Variants in ABLIM3 observed in about 807,000 individuals in gnomAD.
ABLIM3 encodes the protein actin binding LIM protein family member 3, also known as actin-binding LIM protein 3.
A neutral mutation model predicts 109.5 loss-of-function variants in ABLIM3; 61 were observed. The observed-to-expected ratio is 0.56, with a 90% CI of 0.45 to 0.69. The LOEUF is 0.69. Among genes scored for constraint, ABLIM3 ranks in the 30% least tolerant of loss-of-function variants. The pLI is 0.00. For missense variants in ABLIM3, 796 were observed against 889.5 expected (o/e 0.89, Z 1.34); for synonymous variants, 300 against 324.8 (o/e 0.92, Z 0.82).
rs1289038184 is a variant in ABLIM3 at position 149,227,006 on chromosome 5, G to A, written c.758-3643G>A. Among the ~76,000 whole-genome samples the A allele has an allele frequency of 8.1e-5, 12 of 148,964 alleles. No individual in the cohort carries two copies. The East Asian group carries it at 2.4e-3, about 30-fold the overall frequency. ...AATCACTTGAACCCAGGAGGCAGAG[G>A]TTGCAATGAGCCAAGATCGTGCCAT... is the stretch of plus-strand genomic sequence containing the variant. On this transcript the variant is annotated intron_variant, in intron 8 of 23. Coordinates refer to ENST00000309868, the MANE Select transcript of ABLIM3 (RefSeq NM_014945.5).
chr5:149,165,643 A>G (rs1754753490), intron 2 of ABLIM3, among the ~76,000 whole-genome samples: 2 of 152,128 alleles, frequency 1.3e-5, no homozygotes, highest in Non-Finnish European at 2.9e-5. Flanking sequence ...TTCCAAATGG[A>G]TTGTCTTTTG....
chr5:149,250,624 C>A (rs1753830988), intron 20 of ABLIM3, 119 bp downstream of exon 20: 3 of 1,203,764 alleles, frequency 2.5e-6, no homozygotes, highest in African/African-American at 3.0e-5. Flanking sequence ...GGTGGGTTAA[C>A]TGACACAACT....
chr5:149,176,530 TC>T (rs1755943604), intron 2 of ABLIM3, among the ~76,000 whole-genome samples: 1 of 152,118 alleles, frequency 6.6e-6, no homozygotes, highest in Admixed American at 6.5e-5. Flanking sequence ...AGATTCTGCC[TC>T]TGCCGTTTAC....
chr5:149,239,918 G>C, intron 13 of ABLIM3, 30 bp downstream of exon 13: 2 of 1,580,118 alleles, frequency 1.3e-6, no homozygotes, highest in Non-Finnish European at 1.7e-6. Context: ...TGAAGGGAGA[G>C]GAAGAGCCAG....
At chr5:149,221,506 T>C (rs1030127889) in intron 8 of ABLIM3, among the ~76,000 whole-genome samples, 1 of 152,180 alleles carries the variant, frequency 6.6e-6, no homozygotes, top group African/African-American at 2.4e-5. Flanking sequence ...TGGGCTCTAA[T>C]TGGGAGAAGT....
chr5:149,215,071 G>A (rs1489715163), intron 7 of ABLIM3, among the ~76,000 whole-genome samples: 5 of 152,300 alleles, frequency 3.3e-5, no homozygotes, highest in East Asian at 1.9e-4. Context: ...CAAGACTGGG[G>A]CTGCTGAGAT....
intron 8 of ABLIM3, among the ~76,000 whole-genome samples, chr5:149,225,804 T>C (rs1259785459): frequency 6.6e-6 from 1 of 151,804 alleles, no homozygotes; most frequent in Non-Finnish European, 1.5e-5. Flanking sequence ...GAACATACAA[T>C]GTTTGGTTTT....
At chr5:149,149,750 C>T (rs1158056166) in intron 2 of ABLIM3, among the ~76,000 whole-genome samples, 2 of 152,158 alleles carry the variant, frequency 1.3e-5, no homozygotes, top group Non-Finnish European at 2.9e-5. Flanking sequence ...TGGCAGAGAA[C>T]AGATTGGCAG....
At chr5:149,252,722 C>T (rs1754051216) in intron 22 of ABLIM3, 35 bp from the exon 23 acceptor site, 2 of 1,549,416 alleles carry the variant, frequency 1.3e-6, no homozygotes, top group Admixed American at 1.7e-5. Context: ...CCACCACCCT[C>T]ACCCAAGCTG....
At chr5:149,205,683 C>T (rs1023632384) in intron 5 of ABLIM3, among the ~76,000 whole-genome samples, 6 of 152,248 alleles carry the variant, frequency 3.9e-5, no homozygotes, top group South Asian at 2.1e-4. Flanking sequence ...AGATAAATCC[C>T]GAAACTCTTT....
rs9512 is a variant in ABLIM3 at position 149,260,199 on chromosome 5, G to A, written c.*1795G>A. 0.51 allele frequency: 78,320 copies of A among 152,690 alleles called. 20,722 individuals are homozygous for A. The highest frequency in any genetic ancestry group is 0.62 in the African/African-American group (25,874 of 41,404). The allele number at this position is 152,690 out of a possible 1,614,324, so 9.5% of individuals were successfully genotyped here. A position where few individuals can be genotyped will look rare whatever the true frequency, so the allele number is the denominator to read the frequency against. ...GGAGATTCTAAATTGAAGGGGTGAT[G>A]GGGTGAGGGGCCAGAGGGAAGTCTG... On this transcript the variant is annotated 3_prime_UTR_variant, in exon 24 of 24. Transcript: ENST00000309868.
intron 2 of ABLIM3, among the ~76,000 whole-genome samples, chr5:149,173,866 A>G (rs928590734): frequency 1.3e-5 from 2 of 151,964 alleles, no homozygotes; most frequent in African/African-American, 2.4e-5. Flanking sequence ...ATAAAAATAC[A>G]AAAAAATTAG....
chr5:149,250,402 CAT>C, intron 19 of ABLIM3, 43 bp from the exon 20 acceptor site: 3 of 1,600,136 alleles, frequency 1.9e-6, no homozygotes, highest in Non-Finnish European at 2.6e-6. Context: ...GAGAGGGACT[CAT>C]GGCTTGGGAC....
At chr5:149,189,819 TA>T (rs1757309428) in intron 3 of ABLIM3, among the ~76,000 whole-genome samples, 1 of 152,180 alleles carries the variant, frequency 6.6e-6, no homozygotes, top group Non-Finnish European at 1.5e-5. Context: ...AAGATGAAAT[TA>T]GAGTTACCGT....
rs76421579 is a variant in ABLIM3 at position 149,205,296 on chromosome 5, G to T, written c.449-1712G>T. 5.3e-3 allele frequency among the ~76,000 whole-genome samples: 803 copies of T among 152,254 alleles called. 5 individuals are homozygous for T. The highest frequency in any genetic ancestry group is 8.7e-3 in the Non-Finnish European group (592 of 68,014). On this transcript the variant is annotated intron_variant, in intron 5 of 23. Transcript: ENST00000309868. The stretch of plus-strand genomic sequence containing the variant: ...CCTCACCACCCCTTCCTCAGGAGGG[G>T]TTAAACTGCCCACTACTGGAGGTGA...
At position 149,251,513 on chromosome 5, in the gene ABLIM3, A is replaced by AT. The variant is rs1284412328; in HGVS notation, c.1849+96dup. On this transcript the variant is annotated intron_variant, in intron 21 of 23. Coordinates refer to ENST00000309868, the MANE Select transcript of ABLIM3 (RefSeq NM_014945.5). Reference sequence around the variant, plus strand: ...GACCTTCGGCAAATGATGGCTACAGATTCTGTCCCCACGCTGGGCTGTGTC... The same window carrying AT: ...GACCTTCGGCAAATGATGGCTACAGATTTCTGTCCCCACGCTGGGCTGTGTC... 1.5e-5 allele frequency: 21 copies of AT among 1,435,662 alleles called. No homozygotes were observed. The African/African-American group carries it at 2.0e-4, about 13-fold the overall frequency. 88.9% of individuals were successfully genotyped at this position (1,435,662 alleles called of 1,614,324 possible).
chr5:149,256,442 T>C (rs1376035873), intron 23 of ABLIM3, among the ~76,000 whole-genome samples: 2 of 152,194 alleles, frequency 1.3e-5, no homozygotes, highest in Non-Finnish European at 2.9e-5. Context: ...AAGTCAATAG[T>C]ACAAAGAAAG....
intron 8 of ABLIM3, chr5:149,219,191 G>C (rs1229397008): frequency 1.3e-5 from 2 of 152,144 alleles, no homozygotes; most frequent in South Asian, 2.1e-4. Flanking sequence ...TACCATCCTT[G>C]GTCTCTACCC....
chr5:149,154,098 C>G (rs2127437498), intron 2 of ABLIM3, among the ~76,000 whole-genome samples: 1 of 152,356 alleles, frequency 6.6e-6, no homozygotes, highest in South Asian at 2.1e-4. Flanking sequence ...AATGACACAG[C>G]TGATCTATTT....
Sources: allele counts gnomAD v4.1 joint callset (sites outside exome capture counted in the v4.1 genomes callset), GRCh38; gene constraint gnomAD v4.1.1; transcripts MANE v1.5; gene names NCBI Gene and HGNC (gene_info 2026-07-23, HGNC 2026-07-21).